The following DOP1B variants were observed in gnomAD, a reference collection of about 807,000 sequenced individuals.
The protein encoded by DOP1B is protein DOP1B.
In DOP1B, 174 loss-of-function variants were observed where a neutral mutation model predicts 233.5. The observed-to-expected ratio is 0.75, with a 90% confidence interval of 0.66 to 0.85. The LOEUF (loss-of-function observed/expected upper bound fraction) is 0.85, where lower values mean the gene tolerates loss of function less well. Ranked by LOEUF, DOP1B falls within the 40% of genes least tolerant of loss-of-function variation. DOP1B has a pLI of 0.00. For missense variants in DOP1B, 2,652 were observed against 2,846.6 expected, an observed-to-expected ratio of 0.93 and a Z score of 1.56; for synonymous variants, 1,190 against 1,185.6, an observed-to-expected ratio of 1.00 and a Z score of -0.08.
At chr21:36,216,979 G>A (rs966760331) in intron 9 of DOP1B, among the ~76,000 whole-genome samples, 2 of 151,428 alleles carry the variant, frequency 1.3e-5, no homozygotes, top group African/African-American at 4.9e-5. Flanking sequence ...GGAGGCTGAG[G>A]CACAAGAATC....
In DOP1B at chr21:36,233,035, G is replaced by T. The variant is rs991124271; in HGVS notation, c.2582G>T (p.Gly861Val). The T allele has an allele frequency of 1.9e-6, 3 of 1,613,892 alleles. No individual in the cohort carries two copies. The Admixed American group carries it at 5.0e-5, about 27-fold the overall frequency. The change falls in exon 15 of 37, where the codon GGG becomes GTG. Residue 861 changes from glycine (G) to valine (V), a missense_variant. This residue lies in a region of DOP1B where 2,617 missense variants were observed against 2,794.3 expected (regional missense o/e 0.94). Coordinates refer to ENST00000691173, the MANE Select transcript of DOP1B (RefSeq NM_001320714.2). ...QMVTVPPIAPGILKVIAEKTD... is the reference protein window; with the variant it reads ...QMVTVPPIAPVILKVIAEKTD... ...GTGACGGTTCCTCCCATTGCTCCAGGGATATTGAAAGTCATTGCAGAGAAA... is the reference window on the plus strand; with the variant it reads ...GTGACGGTTCCTCCCATTGCTCCAGTGATATTGAAAGTCATTGCAGAGAAA...
chr21:36,185,184 TA>T (rs11301969), intron 2 of DOP1B, among the ~76,000 whole-genome samples: 36,937 of 152,048 alleles, frequency 0.24, 4,744 homozygotes, highest in African/African-American at 0.32. Context: ...TATGTTATTT[TA>T]TATTTTTAAT....
chr21:36,168,181 T>G (rs979916716), intron 2 of DOP1B, among the ~76,000 whole-genome samples: 1 of 152,024 alleles, frequency 6.6e-6, no homozygotes, highest in Non-Finnish European at 1.5e-5. Flanking sequence ...TGACCTCCAG[T>G]GATCTGCCTG....
chr21:36,166,213 G>T (rs1051201233), intron 2 of DOP1B, among the ~76,000 whole-genome samples: 2 of 151,422 alleles, frequency 1.3e-5, no homozygotes, highest in African/African-American at 4.8e-5. Flanking sequence ...GTGAGTGGCG[G>T]ATCACAAAAT....
At chr21:36,227,633 T>G in intron 12 of DOP1B, 53 bp from the exon 13 acceptor site, 2 of 1,410,942 alleles carry the variant, frequency 1.4e-6, no homozygotes, top group South Asian at 3.4e-5. Flanking sequence ...GATGCATTGT[T>G]TTTCTGATTG....
Position 36,293,368 on chromosome 21 carries a change from C to G in DOP1B, c.6694C>G (p.Leu2232Val), listed in dbSNP as rs191812634. 2 of 1,614,182 alleles carry G rather than the reference C, an allele frequency of 1.2e-6. No homozygotes were observed. Among genetic ancestry groups the G allele is most frequent in the Admixed American group, 3.3e-5 (2 of 60,010 alleles). Residue 2232 changes from leucine to valine, a missense_variant, in exon 37 of 37, where the codon CTG (leucine) becomes GTG (valine). This residue lies in a region of DOP1B where 2,617 missense variants were observed against 2,794.3 expected (regional missense o/e 0.94). Transcript: ENST00000691173. Reference sequence around the variant, plus strand: ...CACCATGAAGAGTGAATTCCCGCTTCTGCGCCAACATTCTGTTTCCAGCAT... The same window carrying G: ...CACCATGAAGAGTGAATTCCCGCTTGTGCGCCAACATTCTGTTTCCAGCAT... ...EITMKSEFPL[L>V]RQHSVSSIRQ...
chr21:36,180,389 T>C (rs1327971291), intron 2 of DOP1B, among the ~76,000 whole-genome samples: 20 of 131,858 alleles, frequency 1.5e-4, no homozygotes, highest in South Asian at 9.9e-4. Context: ...GCCAACATGG[T>C]GAAACCTCAT....
At chr21:36,261,487 C>T (rs2067170962) in intron 24 of DOP1B, 1 of 985,128 alleles carries the variant, frequency 1.0e-6, no homozygotes, top group African/African-American at 1.7e-5. Context: ...TATTAGGTGT[C>T]TCAGCTAAGA....
intron 3 of DOP1B, among the ~76,000 whole-genome samples, chr21:36,199,586 C>T (rs979006281): frequency 2.6e-5 from 4 of 152,074 alleles, no homozygotes; most frequent in African/African-American, 9.7e-5. Flanking sequence ...TCCCTCCCCA[C>T]TCCCCCGACC....
At chr21:36,181,363 C>G (rs2066096434) in intron 2 of DOP1B, among the ~76,000 whole-genome samples, 1 of 152,036 alleles carries the variant, frequency 6.6e-6, no homozygotes, top group Non-Finnish European at 1.5e-5. Context: ...ACTGCAACCT[C>G]CGTCTCCCAG....
At chr21:36,165,393 CT>C (rs1379745726) in intron 2 of DOP1B, among the ~76,000 whole-genome samples, 2 of 152,048 alleles carry the variant, frequency 1.3e-5, no homozygotes, top group Non-Finnish European at 2.9e-5. Context: ...CTGCCCAAAA[CT>C]TGTGTGTGTG....
intron 2 of DOP1B, among the ~76,000 whole-genome samples, chr21:36,180,912 G>A (rs2066091700): frequency 1.3e-5 from 2 of 151,632 alleles, no homozygotes; most frequent in Admixed American, 6.6e-5. Context: ...ATTCACTTAT[G>A]TCCTTAAGAG....
At chr21:36,239,477 T>TAC (rs2066867118) in intron 17 of DOP1B, among the ~76,000 whole-genome samples, 1 of 152,194 alleles carries the variant, frequency 6.6e-6, no homozygotes, top group Non-Finnish European at 1.5e-5. Flanking sequence ...CACTCGGCCT[T>TAC]AGAGACACCA....
intron 4 of DOP1B, among the ~76,000 whole-genome samples, chr21:36,201,626 G>A (rs111252892): frequency 2.6e-5 from 4 of 152,060 alleles, no homozygotes; most frequent in African/African-American, 9.6e-5. Context: ...GGGATTACAG[G>A]CGTGAGCCAC....
chr21:36,227,767 G>A lies in DOP1B; in HGVS notation c.1555G>A (p.Ala519Thr), dbSNP rs778476083. 4 of 1,613,722 alleles carry A rather than the reference G, an allele frequency of 2.5e-6. No homozygotes were observed. In the South Asian group the frequency reaches 4.4e-5, roughly 18 times the overall value. ...LVQPLAEDME[A>T]LSLPELTHAL... ...GCAGCCTCTTGCTGAGGACATGGAGGCCTTAAGTTTACCTGAACTCACGCA... is the reference window on the plus strand; with the variant it reads ...GCAGCCTCTTGCTGAGGACATGGAGACCTTAAGTTTACCTGAACTCACGCA... The change falls in exon 13 of 37, where the codon GCC (alanine) becomes ACC (threonine). Residue 519 changes from alanine to threonine, a missense_variant. Physicochemically the swap from Ala to Thr is moderately conservative, Grantham distance 58. This residue lies in a region of DOP1B where 2,617 missense variants were observed against 2,794.3 expected (regional missense o/e 0.94). Coordinates refer to ENST00000691173, the MANE Select transcript of DOP1B (RefSeq NM_001320714.2).
chr21:36,266,325 C>T (rs531437207), intron 26 of DOP1B, among the ~76,000 whole-genome samples: 27 of 152,124 alleles, frequency 1.8e-4, no homozygotes, highest in Admixed American at 5.2e-4. Flanking sequence ...TACAGGTGCC[C>T]GCCACAATGC....
chr21:36,286,639 AACACACACACAC>A (rs3029064), intron 32 of DOP1B, among the ~76,000 whole-genome samples: 37 of 146,566 alleles, frequency 2.5e-4, no homozygotes, highest in African/African-American at 7.5e-4. Context: ...CCATCTCAAA[AACACACACACAC>A]ACACACACAC....
At chr21:36,261,046 G>A (rs2067164350) in intron 24 of DOP1B, 4 of 1,093,026 alleles carry the variant, frequency 3.7e-6, no homozygotes, top group Non-Finnish European at 3.3e-6. Flanking sequence ...CACATATAGG[G>A]AAGTGTTAAA....
chr21:36,159,220 G>T (rs559212503), intron 1 of DOP1B, among the ~76,000 whole-genome samples: 1 of 152,322 alleles, frequency 6.6e-6, no homozygotes, highest in East Asian at 1.9e-4. Context: ...GGGAGGCCAA[G>T]GTGGGTGGAT....
Sources: allele counts gnomAD v4.1 joint callset (sites outside exome capture counted in the v4.1 genomes callset), GRCh38; gene constraint gnomAD v4.1.1; regional missense constraint gnomAD v4.1.1; transcripts MANE v1.5; gene names NCBI Gene and HGNC (gene_info 2026-07-23, HGNC 2026-07-21).